Variants in KIF4A observed in about 807,000 individuals in gnomAD.
The protein encoded by KIF4A is chromosome-associated kinesin KIF4A.
A neutral mutation model predicts 105.9 loss-of-function variants in KIF4A; 7 were observed. The observed-to-expected ratio is 0.07, with a 90% CI of 0.04 to 0.12. KIF4A has a LOEUF of 0.12. Ranked by LOEUF, KIF4A falls within the 10% of genes least tolerant of loss-of-function variation. The pLI is 1.00. For synonymous variants in KIF4A, 281 were observed against 331.3 expected, an observed-to-expected ratio of 0.85 and a Z score of 1.65; for missense variants, 558 against 929.2, an observed-to-expected ratio of 0.60 and a Z score of 5.19.
At chrX:70,373,052 G>A (rs1310496375) in intron 15 of KIF4A, among the ~76,000 whole-genome samples, 3 of 111,309 alleles carry the variant, frequency 2.7e-5, no homozygotes, top group African/African-American at 6.5e-5. Flanking sequence ...TGGGAGGATC[G>A]CTTGAGCCCA....
chrX:70,368,956 C>G (rs781611175), intron 15 of KIF4A, among the ~76,000 whole-genome samples: 2 of 112,063 alleles, frequency 1.8e-5, no homozygotes, highest in African/African-American at 6.5e-5. Context: ...TGGTGGGCGC[C>G]CCTCCCACAG....
chrX:70,389,707 A>G, intron 20 of KIF4A, among the ~76,000 whole-genome samples: 1 of 112,826 alleles, frequency 8.9e-6, no homozygotes, highest in Middle Eastern at 4.6e-3. Context: ...TTAAATATCC[A>G]TACATCTATT....
intron 20 of KIF4A, among the ~76,000 whole-genome samples, chrX:70,392,704 G>A (rs1253060751): frequency 1.8e-5 from 2 of 108,501 alleles, no homozygotes; most frequent in African/African-American, 6.7e-5. Flanking sequence ...TTCTCAATCA[G>A]TCCAACTAGA....
intron 18 of KIF4A, among the ~76,000 whole-genome samples, chrX:70,377,808 T>G (rs1050875383): frequency 1.8e-5 from 2 of 112,060 alleles, no homozygotes; most frequent in Admixed American, 1.9e-4. Flanking sequence ...TGGTGGCACA[T>G]CTGTGATCTC....
intron 3 of KIF4A, 25 bp downstream of exon 3, chrX:70,290,830 G>A: frequency 3.0e-6 from 3 of 1,001,634 alleles, no homozygotes; most frequent in Non-Finnish European, 4.3e-6. Context: ...TTCCTCGAAC[G>A]TAACATATAT....
chrX:70,298,194 T>C (rs1342119754), intron 4 of KIF4A, among the ~76,000 whole-genome samples: 1 of 110,538 alleles, frequency 9.0e-6, no homozygotes, highest in Admixed American at 9.6e-5. Flanking sequence ...AAGGATTGCT[T>C]GAGCCCCAGA....
rs184673986 is a variant in KIF4A, at chrX:70,291,306, G to A, written c.235+501G>A. On this transcript the variant is annotated intron_variant, in intron 3 of 30. Coordinates refer to ENST00000374403, the MANE Select transcript of KIF4A (RefSeq NM_012310.5). The stretch of plus-strand genomic sequence containing the variant: ...TTTCAAGTTAAAAATATACAACAGA[G>A]TCAGTCCTATGGAAGTAGTAGCTCT... Among the ~76,000 whole-genome samples the A allele has an allele frequency of 3.1e-3, 346 of 111,717 alleles. 2 individuals are homozygous for A. Among genetic ancestry groups the A allele is most frequent in the African/African-American group, 0.011 (338 of 30,773 alleles).
At chrX:70,392,435 G>T (rs968724922) in intron 20 of KIF4A, among the ~76,000 whole-genome samples, 1 of 111,272 alleles carries the variant, frequency 9.0e-6, no homozygotes, top group African/African-American at 3.3e-5. Flanking sequence ...GAACTTGTCT[G>T]TTTCATCTAA....
chrX:70,321,289 A>T (rs916426877), intron 7 of KIF4A, among the ~76,000 whole-genome samples: 3 of 112,009 alleles, frequency 2.7e-5, no homozygotes, highest in African/African-American at 9.8e-5. Context: ...CAATCAAACC[A>T]TCTACAACAT....
intron 18 of KIF4A, among the ~76,000 whole-genome samples, chrX:70,385,238 G>A (rs948651107): frequency 1.8e-5 from 2 of 112,077 alleles, no homozygotes; most frequent in African/African-American, 6.5e-5. Context: ...GATAGTGACT[G>A]TAAAAACACC....
intron 10 of KIF4A, among the ~76,000 whole-genome samples, chrX:70,338,100 A>G (rs1384735434): frequency 8.9e-6 from 1 of 111,768 alleles, no homozygotes; most frequent in Non-Finnish European, 1.9e-5. Flanking sequence ...TATGATTTTT[A>G]TGTAGTAAAG....
intron 20 of KIF4A, 26 bp downstream of exon 20, chrX:70,387,323 C>A: frequency 1.9e-6 from 2 of 1,039,975 alleles, no homozygotes; most frequent in Non-Finnish European, 2.6e-6. Flanking sequence ...ACTGCCATTT[C>A]TCTTGTGGAC....
intron 10 of KIF4A, among the ~76,000 whole-genome samples, chrX:70,336,464 A>C (rs2085950962): frequency 8.9e-6 from 1 of 111,772 alleles, no homozygotes; most frequent in African/African-American, 3.3e-5. Context: ...ACCAGTTTGC[A>C]TTCCTACCAG....
chrX:70,389,147 C>T (rs138009382), intron 20 of KIF4A, among the ~76,000 whole-genome samples: 200 of 110,910 alleles, frequency 1.8e-3, no homozygotes, highest in Middle Eastern at 0.014. Context: ...TCCCAACTAC[C>T]GGGGAGACTG....
In KIF4A at chrX:70,417,644, C is replaced by A. The variant is rs2086349916; in HGVS notation, c.3256-244C>A. On this transcript the variant is annotated intron_variant, in intron 28 of 30. Coordinates refer to ENST00000374403, the MANE Select transcript of KIF4A (RefSeq NM_012310.5). ...CCTGGGTGACATAATAAGACTCCAT[C>A]TCAAAGAAAAAAAGAAAAGAAAAGG... Among the ~76,000 whole-genome samples, 5 of 111,577 alleles carry A rather than the reference C, an allele frequency of 4.5e-5. No individual in the cohort carries two copies. The South Asian group carries it at 1.9e-3, about 42-fold the overall frequency.
In KIF4A at chrX:70,418,014, G is replaced by A; in HGVS notation, c.3372+10G>A. On this transcript the variant is annotated intron_variant, in intron 29 of 30. Transcript: ENST00000374403. Reference sequence around the variant, plus strand: ...CCGCCAGCAAGGCAAGGTAGGATCAGGGCTGTTTCCTCTCCCCTTCCCTTC... The same window carrying A: ...CCGCCAGCAAGGCAAGGTAGGATCAAGGCTGTTTCCTCTCCCCTTCCCTTC... 2 of 1,181,779 alleles carry A rather than the reference G, an allele frequency of 1.7e-6. No individual in the cohort carries two copies. Among genetic ancestry groups the A allele is most frequent in the Non-Finnish European group, 2.3e-6 (2 of 874,076 alleles).
chrX:70,390,709 A>G (rs993739763), intron 20 of KIF4A, among the ~76,000 whole-genome samples: 2 of 111,779 alleles, frequency 1.8e-5, no homozygotes, highest in African/African-American at 3.3e-5. Context: ...TTGTGTGACC[A>G]CTACAACAAT....
chrX:70,417,788 T>C, intron 28 of KIF4A, 100 bp from the exon 29 acceptor site: 2 of 602,840 alleles, frequency 3.3e-6, no homozygotes, highest in African/African-American at 2.2e-5. Flanking sequence ...AATAGTACTT[T>C]CCATTTTTTT....
chrX:70,346,455 G>T (rs776862004), intron 13 of KIF4A, among the ~76,000 whole-genome samples: 1 of 111,327 alleles, frequency 9.0e-6, no homozygotes, highest in Non-Finnish European at 1.9e-5. Flanking sequence ...CATTTCTGGG[G>T]CTTCGAGTCA....
Sources: gnomAD v4.1 joint callset for allele counts (sites outside exome capture counted in the v4.1 genomes callset) on GRCh38, gnomAD v4.1.1 for gene constraint, MANE v1.5 for transcripts, NCBI Gene and HGNC (gene_info 2026-07-23, HGNC 2026-07-21) for gene names.